The following LARGE1 variants were observed in gnomAD, a reference collection of about 807,000 sequenced individuals.
LARGE1 encodes the protein xylosyl- and glucuronyltransferase LARGE1.
Under a neutral mutation model 87.6 loss-of-function variants are expected in LARGE1, and 43 were observed. The ratio of observed to expected loss-of-function variants is 0.49; its 90% confidence interval spans 0.38 to 0.63. The LOEUF is 0.63. Among genes scored for constraint, LARGE1 ranks in the 30% least tolerant of loss-of-function variants. The pLI is 0.00. For synonymous variants in LARGE1, 434 were observed against 394.6 expected, an observed-to-expected ratio of 1.10 and a Z score of -1.18; for missense variants, 802 against 1,000.2, an observed-to-expected ratio of 0.80 and a Z score of 2.67.
rs1480943041 is a variant in LARGE1, at chr22:33,469,488, A to G, written c.788-37223T>C. On this transcript the variant is annotated intron_variant, in intron 6 of 14. Coordinates refer to ENST00000397394, the MANE Select transcript of LARGE1 (RefSeq NM_133642.5). ...CAAACACTGAGTTTACATGAACACAAAGAAGAGAACAGAAAACTAGGCCCA... is the reference window on the plus strand; with the variant it reads ...CAAACACTGAGTTTACATGAACACAGAGAAGAGAACAGAAAACTAGGCCCA... Among the ~76,000 whole-genome samples the G allele has an allele frequency of 2.0e-5, 3 of 152,150 alleles. No individual in the cohort carries two copies. The East Asian group carries it at 5.8e-4, about 29-fold the overall frequency.
At chr22:33,190,069 C>T (rs985573265) in intron 11 of LARGE1, among the ~76,000 whole-genome samples, 1 of 152,122 alleles carries the variant, frequency 6.6e-6, no homozygotes, top group African/African-American at 2.4e-5. Context: ...CTTGAATTAG[C>T]AGTAAGCAAT....
intron 1 of LARGE1, among the ~76,000 whole-genome samples, chr22:33,816,647 TACAG>T (rs1438059457): frequency 6.8e-6 from 1 of 146,840 alleles, no homozygotes; most frequent in Non-Finnish European, 1.5e-5. Flanking sequence ...CGGGTGGACA[TACAG>T]ACAGACGGAT....
chr22:33,418,979 G>A (rs769412048), intron 7 of LARGE1, among the ~76,000 whole-genome samples: 15 of 152,122 alleles, frequency 9.9e-5, no homozygotes, highest in Non-Finnish European at 1.8e-4. Context: ...GAATCCCATT[G>A]TATTAGTCCA....
At chr22:33,245,062 C>G (rs182428048) in intron 11 of LARGE1, among the ~76,000 whole-genome samples, 2 of 152,262 alleles carry the variant, frequency 1.3e-5, no homozygotes, top group Non-Finnish European at 2.9e-5. Flanking sequence ...TTAGTCCATC[C>G]CTGGAGAACT....
At chr22:33,239,535 C>CTTTTTTTTTTTTTTTTTTTTTTTTTTT (rs71187254) in intron 11 of LARGE1, among the ~76,000 whole-genome samples, 2 of 95,314 alleles carry the variant, frequency 2.1e-5, no homozygotes, top group Non-Finnish European at 4.1e-5. Context: ...TTTTTCTTTT[C>CTTTTTTTTTTTTTTTTTTTTTTTTTTT]TTTTTTTTTT....
intron 6 of LARGE1, among the ~76,000 whole-genome samples, chr22:33,489,936 A>C (rs1011365849): frequency 3.3e-5 from 5 of 152,214 alleles, no homozygotes; most frequent in Admixed American, 3.3e-4. Flanking sequence ...GTCTCTAAAG[A>C]GGGTGCCTGT....
intron 2 of LARGE1, among the ~76,000 whole-genome samples, chr22:33,697,999 AC>A (rs2082302050): frequency 6.6e-6 from 1 of 152,186 alleles, no homozygotes; most frequent in Admixed American, 6.5e-5. Context: ...GACTCAACTC[AC>A]CGCAGTAAAC....
intron 1 of LARGE1, among the ~76,000 whole-genome samples, chr22:33,911,431 A>T (rs935755576): frequency 1.3e-5 from 2 of 152,144 alleles, no homozygotes; most frequent in Non-Finnish European, 2.9e-5. Context: ...ATGGGTAAAG[A>T]CACCAATATG....
intron 2 of LARGE1, among the ~76,000 whole-genome samples, chr22:33,730,999 ATTTTTTTTT>A (rs376692050): frequency 8.6e-6 from 1 of 115,950 alleles, no homozygotes; most frequent in Non-Finnish European, 1.8e-5. Context: ...CCAGCCTGCA[ATTTTTTTTT>A]TTTTTTTTTT....
chr22:33,432,023 C>T, intron 7 of LARGE1, 138 bp downstream of exon 7: 2 of 729,660 alleles, frequency 2.7e-6, no homozygotes. Flanking sequence ...ATGCAAACTG[C>T]CCACAAACCA....
chr22:33,842,807 G>A (rs946412673), intron 1 of LARGE1, among the ~76,000 whole-genome samples: 3 of 152,106 alleles, frequency 2.0e-5, no homozygotes, highest in Non-Finnish European at 2.9e-5. Context: ...GCCACATGCC[G>A]CTAATGGCTA....
chr22:33,751,854 G>A (rs1425096949), intron 2 of LARGE1, among the ~76,000 whole-genome samples: 3 of 151,362 alleles, frequency 2.0e-5, no homozygotes, highest in Admixed American at 6.6e-5. Context: ...TGGAACATTC[G>A]CCTCCAGGGT....
chr22:33,551,662 T>C (rs1233098502), intron 6 of LARGE1, among the ~76,000 whole-genome samples: 1 of 152,182 alleles, frequency 6.6e-6, no homozygotes, highest in Non-Finnish European at 1.5e-5. Context: ...AAGGGATTTG[T>C]TTATTGCCTT....
At chr22:33,867,166 C>A (rs1403986815) in intron 1 of LARGE1, among the ~76,000 whole-genome samples, 2 of 152,118 alleles carry the variant, frequency 1.3e-5, no homozygotes, top group Non-Finnish European at 2.9e-5. Flanking sequence ...TTAATTACCC[C>A]ACGGTGGATG....
At chr22:33,887,013 A>G (rs1479107929) in intron 1 of LARGE1, among the ~76,000 whole-genome samples, 1 of 152,168 alleles carries the variant, frequency 6.6e-6, no homozygotes, top group Admixed American at 6.5e-5. Flanking sequence ...TGGTGATGGT[A>G]GGGTGAAAAA....
At chr22:33,726,914 A>G (rs1458546363) in intron 2 of LARGE1, among the ~76,000 whole-genome samples, 1 of 152,218 alleles carries the variant, frequency 6.6e-6, no homozygotes, top group Non-Finnish European at 1.5e-5. Context: ...TCATCTTAAT[A>G]GAAATCATTA....
At chr22:33,277,848 G>T (rs1351853521) in intron 13 of LARGE1, among the ~76,000 whole-genome samples, 1 of 152,194 alleles carries the variant, frequency 6.6e-6, no homozygotes, top group Non-Finnish European at 1.5e-5. Context: ...CTATGAAAAG[G>T]AACTCCTGGA....
intron 1 of LARGE1, among the ~76,000 whole-genome samples, chr22:33,911,728 C>T (rs1029615993): frequency 6.6e-6 from 1 of 152,216 alleles, no homozygotes; most frequent in African/African-American, 2.4e-5. Flanking sequence ...GGAAAGAAAG[C>T]ACGCATTTCG....
chr22:33,567,905 C>G (rs1180628227), intron 5 of LARGE1, among the ~76,000 whole-genome samples: 1 of 152,188 alleles, frequency 6.6e-6, no homozygotes, highest in East Asian at 1.9e-4. Context: ...GGATAATGGC[C>G]TCCAGCTCCA....
Sources: allele counts gnomAD v4.1 joint callset (sites outside exome capture counted in the v4.1 genomes callset), GRCh38; gene constraint gnomAD v4.1.1; transcripts MANE v1.5; gene names NCBI Gene and HGNC (gene_info 2026-07-23, HGNC 2026-07-21).